TRNAU1AP: variants seen among roughly 807,000 people sequenced by gnomAD.
TRNAU1AP encodes the protein tRNA selenocysteine 1-associated protein 1.
Under a neutral mutation model 43.3 loss-of-function variants are expected in TRNAU1AP, and 33 were observed. The ratio of observed to expected loss-of-function variants is 0.76; its 90% confidence interval spans 0.58 to 1.02. TRNAU1AP has a LOEUF of 1.02. Ranked by LOEUF, TRNAU1AP falls within the 50% of genes least tolerant of loss-of-function variation. The pLI, the probability that TRNAU1AP is intolerant of heterozygous loss-of-function variation, is 0.00. For synonymous variants in TRNAU1AP, 143 were observed against 129.1 expected, an observed-to-expected ratio of 1.11 and a Z score of -0.73; for missense variants, 290 against 362.7, an observed-to-expected ratio of 0.80 and a Z score of 1.63.
intron 4 of TRNAU1AP, among the ~76,000 whole-genome samples, chr1:28,561,892 G>T (rs1045887325): frequency 6.6e-6 from 1 of 152,150 alleles, no homozygotes; most frequent in Non-Finnish European, 1.5e-5. Flanking sequence ...CTAACACGGT[G>T]AAACCCCGTC....
intron 4 of TRNAU1AP, among the ~76,000 whole-genome samples, chr1:28,563,223 T>C (rs1665454557): frequency 6.6e-6 from 1 of 151,732 alleles, no homozygotes; most frequent in Non-Finnish European, 1.5e-5. Context: ...AAGGAATATG[T>C]ATAATATGTA....
In TRNAU1AP at chr1:28,577,536, A is replaced by G. The variant is rs1395849335; in HGVS notation, c.764A>G (p.Lys255Arg). The change falls in exon 9 of 9, where the codon AAG (lysine) becomes AGG (arginine). Residue 255 changes from lysine (K) to arginine (R), a missense_variant. By Grantham distance (26) the Lys-to-Arg change is conservative. Transcript: ENST00000373830. ...MPQLDVTEAN[K>R]EFMEQSEELY... is the part of the protein sequence containing the mutation. ...CAGCTGGATGTGACTGAGGCCAACA[A>G]GGAGTTCATGGAACAGAGTGAGGAG... 5 of 1,614,090 alleles carry G rather than the reference A, an allele frequency of 3.1e-6. No individual in the cohort carries two copies. In the East Asian group the frequency reaches 6.7e-5, roughly 22 times the overall value.
chr1:28,557,469 C>CTT (rs753718490), intron 2 of TRNAU1AP, among the ~76,000 whole-genome samples: 19 of 118,150 alleles, frequency 1.6e-4, no homozygotes, highest in Admixed American at 3.4e-4. Flanking sequence ...TTACATGTTT[C>CTT]TTTTTTTTTT....
chr1:28,577,571 G>T lies in TRNAU1AP; in HGVS notation c.799G>T (p.Ala267Ser). 1.2e-6 allele frequency: 2 copies of T among 1,614,090 alleles called. No homozygotes were observed. Among genetic ancestry groups the T allele is most frequent in the Non-Finnish European group, 1.7e-6 (2 of 1,179,970 alleles). Residue 267 changes from alanine to serine, a missense_variant, in exon 9 of 9, where the codon GCT (alanine) becomes TCT (serine). Physicochemically the swap from Ala to Ser is moderately conservative, Grantham distance 99 (BLOSUM62 1). Around this residue, in one of 3 missense-constraint regions of TRNAU1AP, gnomAD observed 57 missense variants for 55.1 expected, o/e 1.03. Coordinates refer to ENST00000373830, the MANE Select transcript of TRNAU1AP (RefSeq NM_017846.5). ...FMEQSEELYD[A>S]LMDCHWQPLD... ...GGAACAGAGTGAGGAGCTGTATGAC[G>T]CTCTGATGGACTGTCACTGGCAGCC...
Position 28,553,098 on chromosome 1 carries a change from C to G in TRNAU1AP, c.-13C>G. ...AGAGCCCCGCCCGCAAAGCCCCACCCCGGTGCGCGGGTATGGCGGCCAGCC... is the reference window on the plus strand; with the variant it reads ...AGAGCCCCGCCCGCAAAGCCCCACCGCGGTGCGCGGGTATGGCGGCCAGCC... On this transcript the variant is annotated 5_prime_UTR_variant, in exon 1 of 9. Transcript: ENST00000373830. 6.6e-7 allele frequency: 1 copy of G among 1,525,184 alleles called. No homozygotes were observed. The highest frequency in any genetic ancestry group is 8.8e-7 in the Non-Finnish European group (1 of 1,135,258). The allele number at this position is 1,525,184 out of a possible 1,614,324, so 94.5% of individuals were successfully genotyped here.
At chr1:28,571,724 A>G (rs942954872) in intron 7 of TRNAU1AP, 143 bp from the exon 8 acceptor site, 2 of 634,290 alleles carry the variant, frequency 3.2e-6, no homozygotes, top group Admixed American at 2.4e-5. Context: ...CGGGTGTTGC[A>G]GTGAGCCGAG....
At chr1:28,553,540 C>A in intron 1 of TRNAU1AP, 100 bp from the exon 2 acceptor site, 1 of 1,126,714 alleles carries the variant, frequency 8.9e-7, no homozygotes, top group Admixed American at 2.3e-5. Context: ...GCTCCCCCAG[C>A]GGCGCGTAGC....
intron 2 of TRNAU1AP, among the ~76,000 whole-genome samples, chr1:28,557,889 C>T (rs1160256480): frequency 6.7e-6 from 1 of 148,598 alleles, no homozygotes; most frequent in Non-Finnish European, 1.5e-5. Context: ...TCCCGGCCAA[C>T]ACCCAGCTAA....
At chr1:28,576,176 CAG>C (rs1157531034) in intron 8 of TRNAU1AP, among the ~76,000 whole-genome samples, 3 of 140,832 alleles carry the variant, frequency 2.1e-5, no homozygotes, top group Non-Finnish European at 3.1e-5. Context: ...TTTTTTGAGA[CAG>C]AGTCTCACTT....
intron 8 of TRNAU1AP, among the ~76,000 whole-genome samples, chr1:28,576,974 G>T (rs1347260142): frequency 2.6e-5 from 4 of 152,202 alleles, no homozygotes; most frequent in Non-Finnish European, 4.4e-5. Flanking sequence ...GCTAAGGCGG[G>T]AGGATCACTT....
At chr1:28,570,620 A>G (rs1302386782) in intron 6 of TRNAU1AP, among the ~76,000 whole-genome samples, 1 of 151,788 alleles carries the variant, frequency 6.6e-6, no homozygotes, top group Non-Finnish European at 1.5e-5. Context: ...TAAGAGAGAC[A>G]AACCTATCCA....
rs751019779 is a variant in TRNAU1AP at position 28,571,141 on chromosome 1, G to A, written c.531-35G>A. The A allele has an allele frequency of 2.5e-6, 4 of 1,607,394 alleles. No individual in the cohort carries two copies. The South Asian group carries it at 4.4e-5, about 18-fold the overall frequency. Reference sequence around the variant, plus strand: ...CATAGGCAGTGTTACGGAAATGTTTGCTTACACTTATTTTTGTTTCTGTCT... The same window carrying A: ...CATAGGCAGTGTTACGGAAATGTTTACTTACACTTATTTTTGTTTCTGTCT... On this transcript the variant is annotated intron_variant, in intron 6 of 8. Coordinates refer to ENST00000373830, the MANE Select transcript of TRNAU1AP (RefSeq NM_017846.5).
chr1:28,574,917 G>A (rs1665739594), intron 8 of TRNAU1AP, among the ~76,000 whole-genome samples: 3 of 152,030 alleles, frequency 2.0e-5, no homozygotes, highest in Non-Finnish European at 4.4e-5. Flanking sequence ...TAGTGACCTT[G>A]TGGGGTGGGC....
At chr1:28,561,676 G>A (rs1386296653) in intron 4 of TRNAU1AP, among the ~76,000 whole-genome samples, 4 of 152,132 alleles carry the variant, frequency 2.6e-5, no homozygotes, top group South Asian at 2.1e-4. Context: ...AGTGGCTTAC[G>A]CCTGTAATCC....
chr1:28,576,307 C>A (rs1288377672), intron 8 of TRNAU1AP, among the ~76,000 whole-genome samples: 1 of 151,582 alleles, frequency 6.6e-6, no homozygotes, highest in East Asian at 1.9e-4. Context: ...ACACAGGTCA[C>A]CATGCCCAGC....
chr1:28,558,198 G>A (rs1430360548), intron 2 of TRNAU1AP, among the ~76,000 whole-genome samples: 2 of 144,786 alleles, frequency 1.4e-5, no homozygotes, highest in Non-Finnish European at 3.0e-5. Flanking sequence ...TGCCCAGCCC[G>A]CCCTGCTAAT....
chr1:28,567,344 TGACGGAGTGCCA>T lies in TRNAU1AP; in HGVS notation c.463_474del (p.Thr155_Gln158del). 1.2e-6 allele frequency: 2 copies of T among 1,613,988 alleles called. No homozygotes were observed. Among genetic ancestry groups the T allele is most frequent in the Non-Finnish European group, 1.7e-6 (2 of 1,179,990 alleles). On this transcript the variant is annotated inframe_deletion, in exon 6 of 9. Transcript: ENST00000373830. ...GATGAACTGGAACAGAAGCGAGCCCTGACGGAGTGCCAGGGAGCAGTGGGACTGGGGTCTAAG... is the reference window on the plus strand; with the variant it reads ...GATGAACTGGAACAGAAGCGAGCCCTGGGAGCAGTGGGACTGGGGTCTAAG...
Position 28,553,763 on chromosome 1 carries a change from AATAC to A in TRNAU1AP, c.125+29_125+32del, listed in dbSNP as rs1665187918. On this transcript the variant is annotated intron_variant, in intron 2 of 8. Coordinates refer to ENST00000373830, the MANE Select transcript of TRNAU1AP (RefSeq NM_017846.5). ...GTAAGTCTCATCTCAGGTCTCTCTT[AATAC>A]ATCTCGTTGCAGCTGTCATGTACGA... 3 of 1,589,336 alleles carry A rather than the reference AATAC, an allele frequency of 1.9e-6. No homozygotes were observed. In the East Asian group the frequency reaches 6.7e-5, roughly 36 times the overall value.
intron 4 of TRNAU1AP, among the ~76,000 whole-genome samples, chr1:28,562,658 G>A (rs1665437950): frequency 6.6e-6 from 1 of 150,696 alleles, no homozygotes; most frequent in South Asian, 2.1e-4. Context: ...TCTGCTCACT[G>A]CAAGCTCCGC....
Sources: allele counts gnomAD v4.1 joint callset (sites outside exome capture counted in the v4.1 genomes callset), GRCh38; gene constraint gnomAD v4.1.1; regional missense constraint gnomAD v4.1.1; transcripts MANE v1.5; gene names NCBI Gene and HGNC (gene_info 2026-07-23, HGNC 2026-07-21).